Variants in EFEMP1 observed in about 807,000 individuals in gnomAD.
EFEMP1 encodes the protein EGF-containing fibulin-like extracellular matrix protein 1.
In EFEMP1, 18 loss-of-function variants were observed where a neutral mutation model predicts 65.7. The observed-to-expected ratio is 0.27, with a 90% CI of 0.19 to 0.41. The LOEUF is 0.41. EFEMP1 is among the 10% of genes least tolerant of loss of function. The probability of loss-of-function intolerance (pLI) is 1.00; values close to 1 mark genes in which losing one functional copy is unlikely to be tolerated. For synonymous variants in EFEMP1, 237 were observed against 219.7 expected (o/e 1.08, Z -0.70); for missense variants, 469 against 624.8 (o/e 0.75, Z 2.66).
chr2:55,875,209 ATTAT>A (rs1238354132), intron 8 of EFEMP1, 144 bp from the exon 9 acceptor site: 2 of 331,228 alleles, frequency 6.0e-6, no homozygotes, highest in Non-Finnish European at 9.0e-6. Context: ...TATAATTAAA[ATTAT>A]TTATATTTTA....
intron 5 of EFEMP1, among the ~76,000 whole-genome samples, chr2:55,888,530 G>T (rs1254292174): frequency 3.3e-5 from 5 of 151,744 alleles, no homozygotes; most frequent in Admixed American, 6.6e-5. Context: ...GTAGAGGCAG[G>T]GTTTCACTAT....
At chr2:55,897,717 C>G (rs1354636621) in intron 5 of EFEMP1, among the ~76,000 whole-genome samples, 1 of 152,192 alleles carries the variant, frequency 6.6e-6, no homozygotes, top group Admixed American at 6.5e-5. Flanking sequence ...TCCCAAACCT[C>G]TTTCTGTACC....
chr2:55,909,355 C>T (rs1670396873), intron 5 of EFEMP1, among the ~76,000 whole-genome samples: 1 of 152,142 alleles, frequency 6.6e-6, no homozygotes, highest in Admixed American at 6.5e-5. Context: ...GAGGATGGAA[C>T]CAGTCATAGA....
chr2:55,884,032 T>C (rs1180287803), intron 5 of EFEMP1, among the ~76,000 whole-genome samples: 1 of 152,176 alleles, frequency 6.6e-6, no homozygotes, highest in African/African-American at 2.4e-5. Flanking sequence ...TTTTACTTAC[T>C]GGGACTCATA....
At chr2:55,874,893 C>A in intron 9 of EFEMP1, 53 bp downstream of exon 9, 1 of 1,554,702 alleles carries the variant, frequency 6.4e-7, no homozygotes. Context: ...TTCCTCTTGT[C>A]TCTTCCTGGC....
intron 5 of EFEMP1, among the ~76,000 whole-genome samples, chr2:55,894,975 CT>C (rs965251720): frequency 6.6e-6 from 1 of 152,194 alleles, no homozygotes; most frequent in Non-Finnish European, 1.5e-5. Context: ...GCATTTGCCC[CT>C]GAGACCATTC....
At position 55,888,321 on chromosome 2, in the gene EFEMP1, T is replaced by C. The variant is rs188288962; in HGVS notation, c.518-6587A>G. Among the ~76,000 whole-genome samples the C allele has an allele frequency of 5.7e-3, 869 of 151,370 alleles. 3 individuals carry two copies. The highest frequency in any genetic ancestry group is 0.01 in the Non-Finnish European group (680 of 67,900). Reference sequence around the variant, plus strand: ...GTCATACCCAGCTAAACTCTTTTTTTTTCCTTCTTAAACTTTTTTTTTTTT... The same window carrying C: ...GTCATACCCAGCTAAACTCTTTTTTCTTCCTTCTTAAACTTTTTTTTTTTT... On this transcript the variant is annotated intron_variant, in intron 5 of 11. Coordinates refer to ENST00000355426, the MANE Select transcript of EFEMP1 (RefSeq NM_001039348.3).
At chr2:55,884,412 CA>C (rs1436491883) in intron 5 of EFEMP1, among the ~76,000 whole-genome samples, 1 of 152,118 alleles carries the variant, frequency 6.6e-6, no homozygotes. Flanking sequence ...CACTATGATA[CA>C]AAATTTACTA....
chr2:55,884,866 CCT>C (rs1282161865), intron 5 of EFEMP1, among the ~76,000 whole-genome samples: 1 of 152,088 alleles, frequency 6.6e-6, no homozygotes, highest in Non-Finnish European at 1.5e-5. Context: ...TATTTTCCCC[CCT>C]GTATTCCCAG....
At chr2:55,884,536 T>C (rs1669355444) in intron 5 of EFEMP1, among the ~76,000 whole-genome samples, 1 of 152,202 alleles carries the variant, frequency 6.6e-6, no homozygotes, top group Non-Finnish European at 1.5e-5. Context: ...CTCTACTTGC[T>C]CCTGACTTCC....
intron 5 of EFEMP1, among the ~76,000 whole-genome samples, chr2:55,904,610 G>A (rs746414514): frequency 6.6e-6 from 1 of 152,186 alleles, no homozygotes. Flanking sequence ...CTTCTTGAGA[G>A]GGGACATCCA....
chr2:55,891,958 T>C (rs748060979), intron 5 of EFEMP1, among the ~76,000 whole-genome samples: 1 of 152,098 alleles, frequency 6.6e-6, no homozygotes, highest in Non-Finnish European at 1.5e-5. Context: ...CTTAATTTGT[T>C]GATAAATTAT....
At chr2:55,879,147 T>C (rs1374790374) in intron 6 of EFEMP1, among the ~76,000 whole-genome samples, 2 of 152,196 alleles carry the variant, frequency 1.3e-5, no homozygotes, top group Admixed American at 6.5e-5. Flanking sequence ...TATTTGCTTC[T>C]TGTGTGTTCC....
Position 55,873,781 on chromosome 2 carries a change from C to T in EFEMP1, c.1000+1165G>A, listed in dbSNP as rs147175323. Among the ~76,000 whole-genome samples, 2,949 of 151,932 alleles carry T rather than the reference C, an allele frequency of 0.019. 55 individuals are homozygous for T. The highest frequency in any genetic ancestry group is 0.08 in the South Asian group (385 of 4,806). The stretch of plus-strand genomic sequence containing the variant: ...AAAATTGTGTGCCTATTATAAAATC[C>T]CAGGTAATGGATTTCCTCTAAGTTA... On this transcript the variant is annotated intron_variant, in intron 9 of 11. Coordinates refer to ENST00000355426, the MANE Select transcript of EFEMP1 (RefSeq NM_001039348.3). The surrounding 1 kb of genome is among the most constrained non-coding windows in gnomAD (Gnocchi z 4.6).
In EFEMP1 at chr2:55,922,504, A is replaced by G. The variant is rs1670939736; in HGVS notation, c.-7-57T>C. On this transcript the variant is annotated intron_variant, in intron 2 of 11. Coordinates refer to ENST00000355426, the MANE Select transcript of EFEMP1 (RefSeq NM_001039348.3). The surrounding 1 kb of genome is among the most constrained non-coding windows in gnomAD (Gnocchi z 5.5). ...AGTATCTGCTGCGGGGAAAGTAACA[A>G]AACTTTAGCAGTGAGCACAAGCGAG... The G allele has an allele frequency of 7.9e-6, 12 of 1,510,234 alleles. No homozygotes were observed. The highest frequency in any genetic ancestry group is 1.1e-5 in the Non-Finnish European group (12 of 1,088,830). 93.6% of individuals were successfully genotyped at this position (1,510,234 alleles called of 1,614,324 possible).
chr2:55,919,739 C>T lies in EFEMP1; in HGVS notation c.82-1472G>A, dbSNP rs888973673. 5.9e-5 allele frequency among the ~76,000 whole-genome samples: 9 copies of T among 152,182 alleles called. No homozygotes were observed. Among genetic ancestry groups the T allele is most frequent in the African/African-American group, 1.4e-4 (6 of 41,450 alleles). On this transcript the variant is annotated intron_variant, in intron 3 of 11. Coordinates refer to ENST00000355426, the MANE Select transcript of EFEMP1 (RefSeq NM_001039348.3). The surrounding 1 kb of genome is among the most constrained non-coding windows in gnomAD (Gnocchi z 4.5). ...TACTGATGTCTGAAACTTACTGGAG[C>T]GAGAACTAAATTCACTTTGTCTCTC...
At chr2:55,898,485 A>T (rs1669914483) in intron 5 of EFEMP1, among the ~76,000 whole-genome samples, 1 of 152,194 alleles carries the variant, frequency 6.6e-6, no homozygotes, top group Non-Finnish European at 1.5e-5. Context: ...TATGTACAGT[A>T]CTTGAAAGTT....
intron 8 of EFEMP1, among the ~76,000 whole-genome samples, chr2:55,876,206 T>G (rs1292753254): frequency 6.6e-6 from 1 of 152,108 alleles, no homozygotes; most frequent in African/African-American, 2.4e-5. Context: ...TGTTTTGACA[T>G]GCACTTGGCT....
rs1316845377 is a variant in EFEMP1, at chr2:55,885,460, TA to T, written c.518-3727del. On this transcript the variant is annotated intron_variant, in intron 5 of 11. Transcript: ENST00000355426. This position sits in a 1 kb window ranked among gnomAD's most constrained non-coding sequence, Gnocchi z 4.3. ...AACAACATAAGGAGTCTCTCTGAAC[TA>T]TGTAGACAGAGCCTAATGTTAACAT... is the stretch of plus-strand genomic sequence containing the variant. 2.0e-5 allele frequency among the ~76,000 whole-genome samples: 3 copies of T among 152,230 alleles called. No individual in the cohort carries two copies. The highest frequency in any genetic ancestry group is 1.3e-4 in the Admixed American group (2 of 15,286).
Sources: allele counts gnomAD v4.1 joint callset (sites outside exome capture counted in the v4.1 genomes callset), GRCh38; gene constraint gnomAD v4.1.1; non-coding constraint Gnocchi (gnomAD v3.1); transcripts MANE v1.5; gene names NCBI Gene and HGNC (gene_info 2026-07-23, HGNC 2026-07-21).